ADGRL3: variants seen among roughly 807,000 people sequenced by gnomAD.
The protein encoded by ADGRL3 is adhesion G protein-coupled receptor L3, also known as calcium-independent alpha-latrotoxin receptor 3.
Under a neutral mutation model 153.5 loss-of-function variants are expected in ADGRL3, and 62 were observed. The observed-to-expected ratio is 0.40, with a 90% confidence interval of 0.33 to 0.50. The LOEUF (loss-of-function observed/expected upper bound fraction) is 0.50, where lower values mean the gene tolerates loss of function less well. Ranked by LOEUF, ADGRL3 falls within the 20% of genes least tolerant of loss-of-function variation. ADGRL3 has a pLI of 0.47. For synonymous variants in ADGRL3, 710 were observed against 672.5 expected (o/e 1.06, Z -0.86); for missense variants, 1,641 against 1,859.4 (o/e 0.88, Z 2.16).
chr4:61,847,600 T>TATATAATATATTATATATATA lies in ADGRL3; in HGVS notation c.1480+33718_1480+33738dup, dbSNP rs1390362988. Among the ~76,000 whole-genome samples the TATATAATATATTATATATATA allele has an allele frequency of 3.9e-4, 31 of 80,094 alleles. 3 individuals carry two copies. The highest frequency in any genetic ancestry group is 1.6e-3 in the African/African-American group (28 of 17,860). The allele number at this position is 80,094 out of a possible 152,430, so 52.5% of individuals were successfully genotyped here. A position where few individuals can be genotyped will look rare whatever the true frequency, so the allele number is the denominator to read the frequency against. On this transcript the variant is annotated intron_variant, in intron 9 of 26. Transcript: ENST00000683033. ...TGTGTGTGTGTGTATATATATATAATATATAATATATTATATATATAATAT... is the reference window on the plus strand; with the variant it reads ...TGTGTGTGTGTGTATATATATATAATATATAATATATTATATATATAATATAATATATTATATATATAATAT...
chr4:61,895,380 C>A (rs1430764529), intron 10 of ADGRL3, among the ~76,000 whole-genome samples: 1 of 151,960 alleles, frequency 6.6e-6, no homozygotes, highest in Non-Finnish European at 1.5e-5. Flanking sequence ...GCAGGAGAAT[C>A]ACTTGAACCC....
At chr4:61,675,173 A>G (rs2095144373) in intron 5 of ADGRL3, among the ~76,000 whole-genome samples, 1 of 151,886 alleles carries the variant, frequency 6.6e-6, no homozygotes, top group Non-Finnish European at 1.5e-5. Context: ...AACCCAACGT[A>G]TTTTTACACT....
intron 1 of ADGRL3, among the ~76,000 whole-genome samples, chr4:61,251,872 TTTTTTTA>T (rs1174939263): frequency 2.7e-5 from 4 of 148,514 alleles, no homozygotes; most frequent in Non-Finnish European, 6.0e-5. Flanking sequence ...AGATTCTTTT[TTTTTTTA>T]ATTTTTTTAT....
At position 61,741,762 on chromosome 4, in the gene ADGRL3, T is replaced by C. The variant is rs184563369; in HGVS notation, c.1399+8208T>C. Among the ~76,000 whole-genome samples the C allele has an allele frequency of 4.5e-3, 693 of 152,346 alleles. 6 individuals are homozygous for C. Among genetic ancestry groups the C allele is most frequent in the South Asian group, 0.013 (64 of 4,830 alleles). Reference sequence around the variant, plus strand: ...AACTTAACTATACAGCTGAACCTAGTGTTTGTTATTCATCTGACTAGGTGA... The same window carrying C: ...AACTTAACTATACAGCTGAACCTAGCGTTTGTTATTCATCTGACTAGGTGA... On this transcript the variant is annotated intron_variant, in intron 8 of 26. Transcript: ENST00000683033.
chr4:61,597,676 T>A (rs1469630946), intron 5 of ADGRL3, among the ~76,000 whole-genome samples: 2 of 151,510 alleles, frequency 1.3e-5, no homozygotes, highest in African/African-American at 4.8e-5. Flanking sequence ...TTTTTTTACT[T>A]TTACAACTAT....
intron 8 of ADGRL3, among the ~76,000 whole-genome samples, chr4:61,744,238 G>A (rs1408798694): frequency 6.6e-6 from 1 of 152,200 alleles, no homozygotes; most frequent in Non-Finnish European, 1.5e-5. Context: ...GCCCAACACA[G>A]CTCAAGGAGG....
intron 9 of ADGRL3, among the ~76,000 whole-genome samples, chr4:61,889,202 T>C (rs1189248210): frequency 6.6e-6 from 1 of 152,220 alleles, no homozygotes; most frequent in Non-Finnish European, 1.5e-5. Context: ...CTTGGTAAAT[T>C]TGAAAAGGCT....
intron 9 of ADGRL3, among the ~76,000 whole-genome samples, chr4:61,875,055 G>A (rs1045401990): frequency 6.6e-6 from 1 of 151,314 alleles, no homozygotes; most frequent in South Asian, 2.1e-4. Context: ...TGATCCACCC[G>A]CCTCGGCCTC....
intron 1 of ADGRL3, among the ~76,000 whole-genome samples, chr4:61,341,133 C>A (rs2095800336): frequency 6.6e-6 from 1 of 151,800 alleles, no homozygotes; most frequent in Admixed American, 6.6e-5. Flanking sequence ...CTTCATTTTT[C>A]TTCTTTTGCT....
chr4:61,856,419 ATTCCTTCC>A (rs139069716), intron 9 of ADGRL3, among the ~76,000 whole-genome samples: 22 of 119,834 alleles, frequency 1.8e-4, no homozygotes, highest in African/African-American at 3.5e-4. Flanking sequence ...GTGTCTGAGA[ATTCCTTCC>A]TTCCTTCCTT....
intron 6 of ADGRL3, among the ~76,000 whole-genome samples, chr4:61,724,129 C>T (rs1022863941): frequency 1.5e-4 from 23 of 152,106 alleles, no homozygotes; most frequent in African/African-American, 5.3e-4. Flanking sequence ...GTAACTCTGC[C>T]TTTGTTTTTT....
At chr4:61,336,824 G>C (rs2095686436) in intron 1 of ADGRL3, among the ~76,000 whole-genome samples, 1 of 150,730 alleles carries the variant, frequency 6.6e-6, no homozygotes, top group Middle Eastern at 3.2e-3. Context: ...AGCAACAAAG[G>C]CATCCTTTGT....
chr4:61,417,731 T>C (rs940657348), intron 2 of ADGRL3, among the ~76,000 whole-genome samples: 1 of 151,314 alleles, frequency 6.6e-6, no homozygotes, highest in African/African-American at 2.4e-5. Context: ...TTAGAGGAGG[T>C]GCATAGGATC....
At chr4:61,488,136 C>A (rs2098217980) in intron 2 of ADGRL3, among the ~76,000 whole-genome samples, 1 of 151,944 alleles carries the variant, frequency 6.6e-6, no homozygotes, top group Non-Finnish European at 1.5e-5. Context: ...TAGCAATGTT[C>A]ATTAAATATA....
chr4:61,984,636 AAAAAAC>A (rs1338246918), intron 19 of ADGRL3, among the ~76,000 whole-genome samples: 1 of 152,134 alleles, frequency 6.6e-6, no homozygotes, highest in Non-Finnish European at 1.5e-5. Context: ...TAATTTAAGT[AAAAAAC>A]AAAAACAAAC....
intron 9 of ADGRL3, among the ~76,000 whole-genome samples, chr4:61,829,950 T>C (rs1488102299): frequency 3.3e-5 from 5 of 152,000 alleles, no homozygotes; most frequent in African/African-American, 1.2e-4. Flanking sequence ...GAGGATCTCT[T>C]GAGACCAGGA....
At position 61,754,019 on chromosome 4, in the gene ADGRL3, GC is replaced by G. The variant is rs1311301762; in HGVS notation, c.1399+20467del. Among the ~76,000 whole-genome samples, 11 of 152,278 alleles carry G rather than the reference GC, an allele frequency of 7.2e-5. No homozygotes were observed. In the East Asian group the frequency reaches 1.7e-3, roughly 24 times the overall value. ...ACTCAATGTATTTGGAGGTTCCTGA[GC>G]CTGCCGGGAAGTGACCTTCCTTATT... On this transcript the variant is annotated intron_variant, in intron 8 of 26. Transcript: ENST00000683033.
chr4:61,377,641 A>T (rs2096619678), intron 1 of ADGRL3, among the ~76,000 whole-genome samples: 1 of 152,058 alleles, frequency 6.6e-6, no homozygotes, highest in Non-Finnish European at 1.5e-5. Context: ...TTAAATAATT[A>T]GTAGTCATTT....
At chr4:61,291,490 A>C (rs2094195968) in intron 1 of ADGRL3, among the ~76,000 whole-genome samples, 1 of 150,854 alleles carries the variant, frequency 6.6e-6, no homozygotes, top group African/African-American at 2.4e-5. Context: ...AGCATTTGTG[A>C]ATTCTGGTAT....
Sources: allele counts gnomAD v4.1 joint callset (sites outside exome capture counted in the v4.1 genomes callset), GRCh38; gene constraint gnomAD v4.1.1; transcripts MANE v1.5; gene names NCBI Gene and HGNC (gene_info 2026-07-23, HGNC 2026-07-21).